WWOX: variants seen among roughly 807,000 people sequenced by gnomAD.
The protein encoded by WWOX is WW domain containing oxidoreductase, also known as WW domain-containing oxidoreductase.
Under a neutral mutation model 46.2 loss-of-function variants are expected in WWOX, and 69 were observed. That is an observed-to-expected ratio of 1.49 (90% CI 1.23 to 1.82). WWOX has a LOEUF of 1.82. WWOX is among the 40% of genes most tolerant of loss of function. The pLI, the probability that WWOX is intolerant of heterozygous loss-of-function variation, is 0.00. For synonymous variants in WWOX, 359 were observed against 202.6 expected (o/e 1.77, Z -6.56); for missense variants, 919 against 542.6 (o/e 1.69, Z -6.89).
At chr16:78,183,964 C>G (rs1306868206) in intron 5 of WWOX, among the ~76,000 whole-genome samples, 1 of 152,152 alleles carries the variant, frequency 6.6e-6, no homozygotes. Context: ...ATCCTAAAAG[C>G]CTGCACAAAC....
At chr16:78,108,325 T>C (rs1236438758) in intron 1 of WWOX, 98 bp from the exon 2 acceptor site, 14 of 1,222,614 alleles carry the variant, frequency 1.1e-5, no homozygotes, top group Admixed American at 4.0e-5. Flanking sequence ...TTCCTTCTTA[T>C]ATCTGGCTAT....
chr16:78,301,265 G>T (rs1330110528), intron 5 of WWOX, among the ~76,000 whole-genome samples: 1 of 152,056 alleles, frequency 6.6e-6, no homozygotes, highest in Non-Finnish European at 1.5e-5. Flanking sequence ...TTTTCAATCA[G>T]GCTGTAAAGT....
chr16:78,720,139 C>T (rs1003581104), intron 8 of WWOX, among the ~76,000 whole-genome samples: 3 of 152,124 alleles, frequency 2.0e-5, no homozygotes, highest in African/African-American at 7.2e-5. Flanking sequence ...TGACAATATT[C>T]CTTCTTGCCC....
intron 8 of WWOX, among the ~76,000 whole-genome samples, chr16:78,445,908 A>C (rs768766175): frequency 4.6e-5 from 7 of 151,888 alleles, no homozygotes; most frequent in Non-Finnish European, 1.0e-4. Context: ...GGAGGGGGGA[A>C]AGAAGAGAAA....
intron 8 of WWOX, among the ~76,000 whole-genome samples, chr16:78,616,635 G>A (rs969526492): frequency 2.0e-5 from 3 of 151,894 alleles, no homozygotes; most frequent in African/African-American, 4.8e-5. Flanking sequence ...CAGGCTCGGT[G>A]GCTTGTGCTT....
chr16:79,212,519 A>C lies in WWOX; in HGVS notation c.*723A>C, dbSNP rs1425430700. On this transcript the variant is annotated 3_prime_UTR_variant, in exon 9 of 9. Transcript: ENST00000566780. Reference sequence around the variant, plus strand: ...GGGAAGCGTATATACTTAAGAATACACAGGATATTTTGGGGGGCAGAGAAT... The same window carrying C: ...GGGAAGCGTATATACTTAAGAATACCCAGGATATTTTGGGGGGCAGAGAAT... 1 of 178,870 alleles carries C rather than the reference A, an allele frequency of 5.6e-6. No homozygotes were observed. Among genetic ancestry groups the C allele is most frequent in the Non-Finnish European group, 1.2e-5 (1 of 83,042 alleles). 11.1% of individuals were successfully genotyped at this position (178,870 alleles called of 1,614,324 possible).
intron 8 of WWOX, among the ~76,000 whole-genome samples, chr16:79,067,031 G>A (rs1012908213): frequency 1.3e-5 from 2 of 152,118 alleles, no homozygotes; most frequent in East Asian, 1.9e-4. Flanking sequence ...GTTGAAGGAC[G>A]GCTCTGGAAG....
chr16:78,193,393 A>G (rs2035941897), intron 5 of WWOX, among the ~76,000 whole-genome samples: 1 of 152,224 alleles, frequency 6.6e-6, no homozygotes, highest in Non-Finnish European at 1.5e-5. Flanking sequence ...ACGAACATAC[A>G]TGTTGAAAAT....
At chr16:79,195,120 C>T (rs377299176) in intron 8 of WWOX, among the ~76,000 whole-genome samples, 1 of 152,096 alleles carries the variant, frequency 6.6e-6, no homozygotes, top group Non-Finnish European at 1.5e-5. Context: ...GAGGAGAAAA[C>T]AGAGGCTCAG....
intron 5 of WWOX, among the ~76,000 whole-genome samples, chr16:78,364,126 C>G (rs1293797554): frequency 2.0e-5 from 3 of 152,182 alleles, no homozygotes; most frequent in East Asian, 3.8e-4. Flanking sequence ...GGATGTCGCT[C>G]TCTATCCGTA....
At chr16:78,720,026 T>A (rs897712955) in intron 8 of WWOX, among the ~76,000 whole-genome samples, 2 of 152,240 alleles carry the variant, frequency 1.3e-5, no homozygotes, top group Non-Finnish European at 2.9e-5. Flanking sequence ...AAAGCGTTAC[T>A]GTACATTTTA....
At position 78,374,673 on chromosome 16, in the gene WWOX, C is replaced by G. The variant is rs186783305; in HGVS notation, c.517-12187C>G. 5.0e-3 allele frequency among the ~76,000 whole-genome samples: 758 copies of G among 151,532 alleles called. 4 individuals are homozygous for G. Among genetic ancestry groups the G allele is most frequent in the African/African-American group, 0.017 (712 of 41,320 alleles). ...ATGCCATTCTCCTGCCTCAGCCTCC[C>G]GAGTAGCTGGAACTACAGGTGCCCG... On this transcript the variant is annotated intron_variant, in intron 5 of 8. Transcript: ENST00000566780.
chr16:78,889,663 G>T (rs1223238418), intron 8 of WWOX, among the ~76,000 whole-genome samples: 1 of 152,144 alleles, frequency 6.6e-6, no homozygotes, highest in Admixed American at 6.5e-5. Flanking sequence ...CTAGGTTTAA[G>T]TGAGAATATT....
At chr16:78,981,439 T>C (rs1016257426) in intron 8 of WWOX, among the ~76,000 whole-genome samples, 10 of 109,694 alleles carry the variant, frequency 9.1e-5, no homozygotes, top group Non-Finnish European at 1.9e-4. Flanking sequence ...ATATGAAGCA[T>C]CATTTTTTTT....
intron 8 of WWOX, among the ~76,000 whole-genome samples, chr16:78,737,391 C>G (rs972060321): frequency 6.6e-6 from 1 of 151,858 alleles, no homozygotes; most frequent in African/African-American, 2.4e-5. Flanking sequence ...CCTGCCTCAG[C>G]CTCCCAAAGT....
chr16:78,390,612 T>C (rs991838225), intron 6 of WWOX, among the ~76,000 whole-genome samples: 2 of 152,178 alleles, frequency 1.3e-5, no homozygotes, highest in Non-Finnish European at 2.9e-5. Flanking sequence ...ACTTTTGAAA[T>C]GCTGCCAAAG....
rs116187744 is a variant in WWOX, at chr16:79,154,666, A to T, written c.1057-56942A>T. 2.2e-3 allele frequency among the ~76,000 whole-genome samples: 338 copies of T among 152,336 alleles called. 1 individual carries two copies. The highest frequency in any genetic ancestry group is 7.9e-3 in the African/African-American group (327 of 41,578). On this transcript the variant is annotated intron_variant, in intron 8 of 8. Transcript: ENST00000566780. ...ACAACCCTTATGCTGATGGATGTACACTGTAAAACAACCACGTTTGGTAAA... is the reference window on the plus strand; with the variant it reads ...ACAACCCTTATGCTGATGGATGTACTCTGTAAAACAACCACGTTTGGTAAA...
chr16:79,086,968 C>A (rs2150591905), intron 8 of WWOX, among the ~76,000 whole-genome samples: 1 of 152,244 alleles, frequency 6.6e-6, no homozygotes, highest in Non-Finnish European at 1.5e-5. Context: ...ACTAGGAAGC[C>A]CCGTGTCTGA....
chr16:78,756,668 T>C (rs1299923082), intron 8 of WWOX, among the ~76,000 whole-genome samples: 1 of 152,198 alleles, frequency 6.6e-6, no homozygotes, highest in Non-Finnish European at 1.5e-5. Flanking sequence ...TCACCCTGTT[T>C]GTTCATTCAT....
Sources: gnomAD v4.1 joint callset for allele counts (sites outside exome capture counted in the v4.1 genomes callset) on GRCh38, gnomAD v4.1.1 for gene constraint, MANE v1.5 for transcripts, NCBI Gene and HGNC (gene_info 2026-07-23, HGNC 2026-07-21) for gene names.